The following SGO2 variants were observed in gnomAD, a reference collection of about 807,000 sequenced individuals.
The protein encoded by SGO2 is shugoshin 2.
In SGO2, 68 loss-of-function variants were observed where a neutral mutation model predicts 99.5. That is an observed-to-expected ratio of 0.68 (90% CI 0.56 to 0.84). The LOEUF (loss-of-function observed/expected upper bound fraction) is 0.84, where lower values mean the gene tolerates loss of function less well. Ranked by LOEUF, SGO2 falls within the 40% of genes least tolerant of loss-of-function variation. SGO2 has a pLI of 0.00. For synonymous variants in SGO2, 457 were observed against 487.1 expected, an observed-to-expected ratio of 0.94 and a Z score of 0.81; for missense variants, 1,350 against 1,436.7, an observed-to-expected ratio of 0.94 and a Z score of 0.97.
intron 4 of SGO2, among the ~76,000 whole-genome samples, chr2:200,539,086 T>C (rs1340237509): frequency 6.6e-6 from 1 of 152,126 alleles, no homozygotes; most frequent in African/African-American, 2.4e-5. Context: ...TTATAATTGT[T>C]TTTCTTTAAA....
chr2:200,561,926 G>A (rs943919637), intron 5 of SGO2, among the ~76,000 whole-genome samples: 3 of 152,150 alleles, frequency 2.0e-5, no homozygotes, highest in African/African-American at 7.2e-5. Context: ...TTGTAAATTT[G>A]TTTAAGTTCT....
In SGO2 at chr2:200,571,961, G is replaced by T. The variant is rs1003236176; in HGVS notation, c.1615G>T (p.Val539Leu). Residue 539 changes from valine (V) to leucine (L), a missense_variant, in exon 7 of 9, where the codon GTG becomes TTG. Transcript: ENST00000357799. ...NKSKASRQTFVIHKLEKDNLL... is the reference protein window; with the variant it reads ...NKSKASRQTFLIHKLEKDNLL... ...AAGTAAAGCTTCTAGACAGACATTT[G>T]TGATTCACAAATTAGAAAAAGATAA... The T allele has an allele frequency of 4.3e-6, 7 of 1,609,852 alleles. No homozygotes were observed. The highest frequency in any genetic ancestry group is 5.9e-6 in the Non-Finnish European group (7 of 1,178,790).
intron 8 of SGO2, among the ~76,000 whole-genome samples, chr2:200,577,860 A>G (rs1476145297): frequency 6.6e-6 from 1 of 152,070 alleles, no homozygotes; most frequent in African/African-American, 2.4e-5. Context: ...TCATCATGTC[A>G]GTGTGTTTCA....
Position 200,572,393 on chromosome 2 carries a change from T to A in SGO2, c.2047T>A (p.Tyr683Asn). The A allele has an allele frequency of 6.2e-7, 1 of 1,613,476 alleles. No individual in the cohort carries two copies. The highest frequency in any genetic ancestry group is 1.1e-5 in the South Asian group (1 of 91,040). Residue 683 changes from tyrosine to asparagine, a missense_variant, in exon 7 of 9, where the codon TAT (tyrosine) becomes AAT (asparagine). Coordinates refer to ENST00000357799, the MANE Select transcript of SGO2 (RefSeq NM_152524.6). The part of the protein sequence containing the change: ...STRDNENQCD[Y>N]RTQNVLGLQK... The stretch of plus-strand genomic sequence containing the variant: ...TAGAGATAATGAAAATCAATGTGAC[T>A]ATAGGACCCAGAATGTGTTGGGTTT...
intron 4 of SGO2, among the ~76,000 whole-genome samples, chr2:200,537,496 G>A (rs560872153): frequency 2.0e-5 from 3 of 152,094 alleles, no homozygotes; most frequent in African/African-American, 4.8e-5. Flanking sequence ...GAAAACCCAC[G>A]GATAATTCTT....
In SGO2 at chr2:200,583,560, G is replaced by GTTT. The variant is rs3840472; in HGVS notation, c.*104_*106dup. 5.3e-4 allele frequency: 558 copies of GTTT among 1,060,160 alleles called. 1 individual carries two copies. Among genetic ancestry groups the GTTT allele is most frequent in the Non-Finnish European group, 6.6e-4 (500 of 757,204 alleles). The allele number at this position is 1,060,160 out of a possible 1,614,324, so 65.7% of individuals were successfully genotyped here. On this transcript the variant is annotated 3_prime_UTR_variant, in exon 9 of 9. Coordinates refer to ENST00000357799, the MANE Select transcript of SGO2 (RefSeq NM_152524.6). The stretch of plus-strand genomic sequence containing the variant: ...AGAAGATGAAATGCTTAATGAAAAG[G>GTTT]TTTTTTTTTTGTTTCTTTGGCCTTT...
At chr2:200,563,330 C>CT (rs1384931370) in intron 5 of SGO2, among the ~76,000 whole-genome samples, 1 of 152,114 alleles carries the variant, frequency 6.6e-6, no homozygotes. Context: ...TGGTTTTTGT[C>CT]TTTGGTTCTG....
At chr2:200,569,591 A>G (rs1217085734) in intron 5 of SGO2, 72 bp from the exon 6 acceptor site, 3 of 1,109,584 alleles carry the variant, frequency 2.7e-6, no homozygotes, top group Non-Finnish European at 3.8e-6. Flanking sequence ...AGAATATAGA[A>G]ATAACTGCCC....
chr2:200,567,349 C>T (rs1043518159), intron 5 of SGO2, among the ~76,000 whole-genome samples: 2 of 152,162 alleles, frequency 1.3e-5, no homozygotes, highest in African/African-American at 4.8e-5. Context: ...CTTTTGGCTT[C>T]ATTGATTTTA....
At chr2:200,534,943 A>C in intron 2 of SGO2, 53 bp from the exon 3 acceptor site, 1 of 1,257,964 alleles carries the variant, frequency 7.9e-7, no homozygotes, top group Non-Finnish European at 1.1e-6. Context: ...GGAATATAAA[A>C]ATTTCTTAAG....
At chr2:200,548,337 A>T (rs2032329596) in intron 5 of SGO2, among the ~76,000 whole-genome samples, 1 of 152,272 alleles carries the variant, frequency 6.6e-6, no homozygotes, top group Non-Finnish European at 1.5e-5. Flanking sequence ...ATACACAAAC[A>T]AATGGAAATT....
chr2:200,572,617 C>T lies in SGO2; in HGVS notation c.2271C>T (p.Asn757=). 1 of 1,613,104 alleles carries T rather than the reference C, an allele frequency of 6.2e-7. No homozygotes were observed. Among genetic ancestry groups the T allele is most frequent in the Non-Finnish European group, 8.5e-7 (1 of 1,179,412 alleles). Residue 757 remains asparagine (N), a synonymous_variant, in exon 7 of 9, where the codon AAC becomes AAT. Transcript: ENST00000357799. The stretch of plus-strand genomic sequence containing the variant: ...AAGATAAGGAAATCATCCCTGGAAA[C>T]CTAGAAGACCCAAGTGAGTTTGAAA... ...TQKDKEIIPG[N]LEDPSEFETP... is the part of the protein sequence containing the mutation.
chr2:200,527,868 CAG>C (rs1456821167), intron 1 of SGO2, among the ~76,000 whole-genome samples: 1 of 152,198 alleles, frequency 6.6e-6, no homozygotes, highest in East Asian at 1.9e-4. Context: ...AAAAATAAAA[CAG>C]AAGGGGAGAA....
Position 200,571,992 on chromosome 2 carries a change from T to A in SGO2, c.1646T>A (p.Leu549His). 1 of 1,610,630 alleles carries A rather than the reference T, an allele frequency of 6.2e-7. No individual in the cohort carries two copies. Reference sequence around the variant, plus strand: ...CACAAATTAGAAAAAGATAACTTACTCCCAAACCAAAAGGATAAAGTAACC... The same window carrying A: ...CACAAATTAGAAAAAGATAACTTACACCCAAACCAAAAGGATAAAGTAACC... ...VIHKLEKDNL[L>H]PNQKDKVTIY... The change falls in exon 7 of 9, where the codon CTC (leucine) becomes CAC (histidine). Residue 549 changes from leucine (L) to histidine (H), a missense_variant. Leu to His is a moderately conservative substitution (Grantham distance 99). Coordinates refer to ENST00000357799, the MANE Select transcript of SGO2 (RefSeq NM_152524.6).
At chr2:200,557,512 A>G (rs1186117943) in intron 5 of SGO2, among the ~76,000 whole-genome samples, 1 of 152,144 alleles carries the variant, frequency 6.6e-6, no homozygotes, top group Non-Finnish European at 1.5e-5. Context: ...ACCCCAAGAG[A>G]GGGTTCTTGG....
intron 5 of SGO2, among the ~76,000 whole-genome samples, chr2:200,559,792 A>G (rs1171735226): frequency 6.6e-6 from 1 of 151,738 alleles, no homozygotes; most frequent in African/African-American, 2.4e-5. Flanking sequence ...TTTTTATTTG[A>G]CCCTGTGGAT....
At chr2:200,534,392 G>A (rs2031586763) in intron 2 of SGO2, among the ~76,000 whole-genome samples, 2 of 152,188 alleles carry the variant, frequency 1.3e-5, no homozygotes, top group Non-Finnish European at 2.9e-5. Flanking sequence ...TTAGATTGCA[G>A]TAGATGCCTA....
chr2:200,582,646 A>G (rs889461609), intron 8 of SGO2, among the ~76,000 whole-genome samples: 3 of 152,134 alleles, frequency 2.0e-5, no homozygotes, highest in Non-Finnish European at 4.4e-5. Flanking sequence ...TCTGTTGTCT[A>G]TTAGAAGCAA....
chr2:200,527,001 G>A (rs928083453), intron 1 of SGO2, among the ~76,000 whole-genome samples: 4 of 152,256 alleles, frequency 2.6e-5, no homozygotes, highest in Admixed American at 2.6e-4. Context: ...GAGACGAAGA[G>A]GTGTTGAGAT....
Sources: allele counts gnomAD v4.1 joint callset (sites outside exome capture counted in the v4.1 genomes callset), GRCh38; gene constraint gnomAD v4.1.1; transcripts MANE v1.5; gene names NCBI Gene and HGNC (gene_info 2026-07-23, HGNC 2026-07-21).